The following MEGF10 variants were observed in gnomAD, a reference collection of about 807,000 sequenced individuals.
MEGF10 encodes multiple EGF like domains 10.
In MEGF10, 86 loss-of-function variants were observed where a neutral mutation model predicts 147.5. That is an observed-to-expected ratio of 0.58 (90% confidence interval 0.49 to 0.70). MEGF10 has a LOEUF of 0.70. Ranked by LOEUF, MEGF10 falls within the 30% of genes least tolerant of loss-of-function variation. The probability of loss-of-function intolerance (pLI) is 0.00; values close to 1 mark genes in which losing one functional copy is unlikely to be tolerated. For missense variants in MEGF10, 1,329 were observed against 1,487.3 expected (o/e 0.89, Z 1.75); for synonymous variants, 478 against 525.5 (o/e 0.91, Z 1.24).
At chr5:127,428,897 A>C (rs540790041) in intron 13 of MEGF10, among the ~76,000 whole-genome samples, 1 of 152,354 alleles carries the variant, frequency 6.6e-6, no homozygotes, top group East Asian at 1.9e-4. Flanking sequence ...GGCATAATGC[A>C]TCAGGCATTA....
the MEGF10 span, among the ~76,000 whole-genome samples, chr5:127,259,790 A>C: frequency 6.6e-6 from 1 of 152,158 alleles, no homozygotes; most frequent in African/African-American, 2.4e-5. Context: ...GTGTCAGTTA[A>C]CATGTTTCCA....
intron 1 of MEGF10, among the ~76,000 whole-genome samples, chr5:127,323,961 A>G (rs180799841): frequency 2.0e-5 from 3 of 152,290 alleles, no homozygotes; most frequent in Admixed American, 2.0e-4. Flanking sequence ...ATGGTGTTCA[A>G]AGAAGTGAGA....
intron 5 of MEGF10, among the ~76,000 whole-genome samples, chr5:127,385,594 A>AT (rs1370021049): frequency 6.6e-6 from 1 of 152,226 alleles, no homozygotes; most frequent in African/African-American, 2.4e-5. Flanking sequence ...TATTGAAGGC[A>AT]TATGTAGTGT....
the MEGF10 span, among the ~76,000 whole-genome samples, chr5:127,268,008 T>C: frequency 1.2e-4 from 19 of 152,326 alleles, no homozygotes; most frequent in African/African-American, 4.6e-4. Flanking sequence ...TTAATTGTGA[T>C]GTTAGGGTGT....
intron 8 of MEGF10, 21 bp from the exon 9 acceptor site, chr5:127,410,368 C>T: frequency 6.2e-7 from 1 of 1,609,242 alleles, no homozygotes; most frequent in Non-Finnish European, 8.5e-7. Flanking sequence ...TTTCTTCTTG[C>T]TCCTGCCTCT....
chr5:127,438,608 G>C (rs752274357), intron 17 of MEGF10, 41 bp downstream of exon 17: 1 of 1,606,404 alleles, frequency 6.2e-7, no homozygotes, highest in Non-Finnish European at 8.5e-7. Flanking sequence ...GGGGAGCCTT[G>C]TCCAAGGAGG....
At chr5:127,243,187 A>G in the MEGF10 span, among the ~76,000 whole-genome samples, 1 of 152,148 alleles carries the variant, frequency 6.6e-6, no homozygotes. Context: ...AAGAGAGAAC[A>G]TATTGTCAGG....
the MEGF10 span, among the ~76,000 whole-genome samples, chr5:127,269,118 C>CA: frequency 2.0e-5 from 3 of 152,150 alleles, no homozygotes; most frequent in Admixed American, 1.3e-4. Context: ...CAAAGGTAGA[C>CA]AAAACCACAA....
chr5:127,234,446 C>T, the MEGF10 span, among the ~76,000 whole-genome samples: 2 of 152,186 alleles, frequency 1.3e-5, no homozygotes, highest in Non-Finnish European at 2.9e-5. Flanking sequence ...AGACAACTAA[C>T]AGTGACTGCC....
the MEGF10 span, among the ~76,000 whole-genome samples, chr5:127,243,392 T>G: frequency 2.6e-5 from 4 of 152,286 alleles, no homozygotes; most frequent in East Asian, 1.9e-4. Flanking sequence ...AGTAAAAAAT[T>G]TATCCCTCCC....
Position 127,454,629 on chromosome 5 carries a change from G to A in MEGF10, c.3025+19G>A, listed in dbSNP as rs368565248. The A allele has an allele frequency of 6.3e-7, 1 of 1,593,976 alleles. No individual in the cohort carries two copies. The highest frequency in any genetic ancestry group is 8.5e-7 in the Non-Finnish European group (1 of 1,171,692). On this transcript the variant is annotated intron_variant, in intron 23 of 24. Coordinates refer to ENST00000503335, the MANE Select transcript of MEGF10 (RefSeq NM_001256545.2). ...TTAAAAGGTATCATGTAAATTTGAA[G>A]AAGAAATCAGAAGCACAATTAAATT...
At chr5:127,241,846 A>G in the MEGF10 span, among the ~76,000 whole-genome samples, 1 of 152,250 alleles carries the variant, frequency 6.6e-6, no homozygotes, top group South Asian at 2.1e-4. Flanking sequence ...ACAGCACAGC[A>G]TCTCACAGGG....
intron 18 of MEGF10, among the ~76,000 whole-genome samples, chr5:127,442,485 C>T (rs1765790169): frequency 6.6e-6 from 1 of 152,172 alleles, no homozygotes; most frequent in Non-Finnish European, 1.5e-5. Flanking sequence ...AAGTTCTTAC[C>T]TAGAAAATCA....
At chr5:127,374,497 T>G (rs1476850544) in intron 5 of MEGF10, among the ~76,000 whole-genome samples, 2 of 147,836 alleles carry the variant, frequency 1.4e-5, no homozygotes, top group African/African-American at 5.2e-5. Context: ...CCACACATGT[T>G]TGCATTCCTA....
chr5:127,338,583 A>T (rs1233931047), intron 2 of MEGF10, among the ~76,000 whole-genome samples: 1 of 152,140 alleles, frequency 6.6e-6, no homozygotes, highest in Non-Finnish European at 1.5e-5. Context: ...GTATTTATTT[A>T]GTTGTTGTAT....
intron 1 of MEGF10, among the ~76,000 whole-genome samples, chr5:127,319,335 C>G (rs928130146): frequency 1.8e-4 from 28 of 152,142 alleles, no homozygotes; most frequent in African/African-American, 6.8e-4. Context: ...CTCGGCCTCC[C>G]AAGGTATTAG....
At chr5:127,246,903 C>T in the MEGF10 span, among the ~76,000 whole-genome samples, 12 of 139,688 alleles carry the variant, frequency 8.6e-5, no homozygotes, top group Non-Finnish European at 3.0e-5. Context: ...ATAATATATA[C>T]TATATAATAG....
chr5:127,254,874 GC>G, the MEGF10 span, among the ~76,000 whole-genome samples: 1 of 151,002 alleles, frequency 6.6e-6, no homozygotes, highest in African/African-American at 2.4e-5. Flanking sequence ...GGTTCTTTTT[GC>G]CCCCTGCACA....
intron 6 of MEGF10, among the ~76,000 whole-genome samples, chr5:127,396,998 T>C (rs976250353): frequency 3.3e-5 from 5 of 152,166 alleles, no homozygotes; most frequent in Non-Finnish European, 7.3e-5. Flanking sequence ...AATCTAAGGG[T>C]CAGCTTCCAT....
Sources: allele counts gnomAD v4.1 joint callset (sites outside exome capture counted in the v4.1 genomes callset), GRCh38; gene constraint gnomAD v4.1.1; transcripts MANE v1.5; gene names NCBI Gene and HGNC (gene_info 2026-07-23, HGNC 2026-07-21).